Variants in WDR7 observed in about 807,000 individuals in gnomAD.
WDR7 encodes the protein WD repeat-containing protein 7.
Under a neutral mutation model 169.4 loss-of-function variants are expected in WDR7, and 46 were observed. The observed-to-expected ratio is 0.27, with a 90% confidence interval of 0.21 to 0.35. The LOEUF is 0.35. Among genes scored for constraint, WDR7 ranks in the 10% least tolerant of loss-of-function variants. The pLI, the probability that WDR7 is intolerant of heterozygous loss-of-function variation, is 1.00. For missense variants in WDR7, 1,534 were observed against 1,859.3 expected (o/e 0.83, Z 3.22); for synonymous variants, 612 against 666.8 (o/e 0.92, Z 1.27).
intron 19 of WDR7, among the ~76,000 whole-genome samples, chr18:56,813,578 C>A (rs376858659): frequency 6.0e-5 from 9 of 150,604 alleles, no homozygotes; most frequent in Admixed American, 5.9e-4. Flanking sequence ...CTTAATTGAT[C>A]CATTTTGGCC....
intron 22 of WDR7, among the ~76,000 whole-genome samples, chr18:56,929,577 A>G (rs1323701346): frequency 6.6e-6 from 1 of 152,202 alleles, no homozygotes; most frequent in Non-Finnish European, 1.5e-5. Flanking sequence ...GTGGTACTCT[A>G]AGAGCCAAGA....
intron 20 of WDR7, among the ~76,000 whole-genome samples, chr18:56,849,233 T>A (rs1599098359): frequency 6.6e-6 from 1 of 152,142 alleles, no homozygotes; most frequent in East Asian, 1.9e-4. Flanking sequence ...GGATCACTAG[T>A]GACCTAGAGT....
chr18:56,732,029 A>G (rs529587704), intron 14 of WDR7, among the ~76,000 whole-genome samples: 4 of 152,358 alleles, frequency 2.6e-5, no homozygotes, highest in African/African-American at 7.2e-5. Context: ...AGGTTAAGCG[A>G]TTGTAAAGAT....
intron 24 of WDR7, 56 bp from the exon 25 acceptor site, chr18:56,939,255 A>T: frequency 7.5e-7 from 1 of 1,339,486 alleles, no homozygotes; most frequent in Non-Finnish European, 1.0e-6. Flanking sequence ...AATCATTTAC[A>T]TTTTGGAAAA....
At chr18:56,778,079 A>G (rs1055790146) in intron 17 of WDR7, among the ~76,000 whole-genome samples, 1 of 152,300 alleles carries the variant, frequency 6.6e-6, no homozygotes, top group Admixed American at 6.5e-5. Flanking sequence ...GTATATCTAA[A>G]GTATATCTCC....
chr18:56,879,753 T>G (rs571796182), intron 20 of WDR7, among the ~76,000 whole-genome samples, 191 bp from the exon 21 acceptor site: 52 of 151,192 alleles, frequency 3.4e-4, no homozygotes, highest in African/African-American at 9.2e-4. Context: ...AATTTTCAGG[T>G]TTTTTTTTGG....
chr18:56,685,958 G>T lies in WDR7; in HGVS notation c.523G>T (p.Asp175Tyr), dbSNP rs1227821743. ...TTTTTTGTCCCTTCTCATTTTAGAGGACACAGTGGTAGCACTCTCGGTGAC... is the reference window on the plus strand; with the variant it reads ...TTTTTTGTCCCTTCTCATTTTAGAGTACACAGTGGTAGCACTCTCGGTGAC... The part of the protein sequence containing the change: ...SIIRSHRTQE[D>Y]TVVALSVTGI... The change falls in exon 6 of 28, where the codon GAC becomes TAC. Residue 175 changes from aspartate (D) to tyrosine (Y), a missense_variant and splice_region_variant. Transcript: ENST00000254442. The T allele has an allele frequency of 6.2e-7, 1 of 1,600,276 alleles. No homozygotes were observed. The highest frequency in any genetic ancestry group is 8.5e-7 in the Non-Finnish European group (1 of 1,175,556).
rs566857049 is a variant in WDR7, at chr18:56,794,304, A to ATTTTTTTTTTTTTTTTTTTTTTTT, written c.3190+12671_3190+12672insTTTTTTTTTTTTTTTTTTTTTTTT. On this transcript the variant is annotated intron_variant, in intron 19 of 27. Transcript: ENST00000254442. The stretch of plus-strand genomic sequence containing the variant: ...GTTTGTGTCTTAAAAGGTAAAGTCT[A>ATTTTTTTTTTTTTTTTTTTTTTTT]TTTTTTTTTTTTTTTTTTTTTTTGA... Among the ~76,000 whole-genome samples, 48 of 49,462 alleles carry ATTTTTTTTTTTTTTTTTTTTTTTT rather than the reference A, an allele frequency of 9.7e-4. 17 individuals carry two copies. Among genetic ancestry groups the ATTTTTTTTTTTTTTTTTTTTTTTT allele is most frequent in the Non-Finnish European group, 1.4e-3 (37 of 26,186 alleles). 32.4% of individuals were successfully genotyped at this position (49,462 alleles called of 152,430 possible).
intron 20 of WDR7, among the ~76,000 whole-genome samples, chr18:56,849,005 C>G (rs2045604658): frequency 6.6e-6 from 1 of 152,212 alleles, no homozygotes; most frequent in Non-Finnish European, 1.5e-5. Flanking sequence ...TTCCCTCTTA[C>G]AGTTTCCAAG....
chr18:56,672,342 G>T (rs1053103009), intron 1 of WDR7, among the ~76,000 whole-genome samples, 155 bp from the exon 2 acceptor site: 2 of 151,610 alleles, frequency 1.3e-5, no homozygotes, highest in Non-Finnish European at 2.9e-5. Flanking sequence ...TAATAAACTA[G>T]TCGTTTTTTT....
chr18:56,977,686 C>T (rs1313068979), intron 26 of WDR7, among the ~76,000 whole-genome samples: 1 of 152,118 alleles, frequency 6.6e-6, no homozygotes, highest in African/African-American at 2.4e-5. Context: ...GTATTAAAAA[C>T]GTAGTTTACT....
At chr18:56,836,360 G>A (rs142054929) in intron 20 of WDR7, among the ~76,000 whole-genome samples, 155 of 152,320 alleles carry the variant, frequency 1.0e-3, no homozygotes, top group Non-Finnish European at 2.0e-3. Context: ...GGCCTCACCA[G>A]TCAGCCCCTG....
At chr18:56,680,722 C>T (rs2025335892) in intron 3 of WDR7, among the ~76,000 whole-genome samples, 1 of 152,116 alleles carries the variant, frequency 6.6e-6, no homozygotes, top group African/African-American at 2.4e-5. Flanking sequence ...AATAAAATTA[C>T]AATACATACA....
intron 20 of WDR7, among the ~76,000 whole-genome samples, chr18:56,835,982 T>C (rs1039362274): frequency 6.6e-5 from 10 of 152,326 alleles, no homozygotes; most frequent in African/African-American, 2.4e-4. Flanking sequence ...TTTCTAAGAA[T>C]AATTTTCTTT....
chr18:56,878,817 G>A (rs1462049023), intron 20 of WDR7, among the ~76,000 whole-genome samples: 3 of 152,122 alleles, frequency 2.0e-5, no homozygotes, highest in Non-Finnish European at 4.4e-5. Context: ...TACAATATAT[G>A]GTCTTTTGTG....
chr18:56,898,247 A>G (rs150074090), intron 21 of WDR7, among the ~76,000 whole-genome samples: 298 of 152,180 alleles, frequency 2.0e-3, no homozygotes, highest in African/African-American at 6.8e-3. Flanking sequence ...CCATGAAGCC[A>G]TACTATTAGA....
At chr18:56,810,615 C>T (rs911826831) in intron 19 of WDR7, among the ~76,000 whole-genome samples, 4 of 151,764 alleles carry the variant, frequency 2.6e-5, no homozygotes, top group South Asian at 2.1e-4. Flanking sequence ...ATATTTGTGG[C>T]GAATTTTGCT....
chr18:56,660,244 A>T (rs1568122465), intron 1 of WDR7, among the ~76,000 whole-genome samples: 1 of 152,210 alleles, frequency 6.6e-6, no homozygotes, highest in Non-Finnish European at 1.5e-5. Flanking sequence ...TGAGAAACTT[A>T]TTAGCTATCC....
At chr18:56,930,464 C>T (rs1296751604) in intron 22 of WDR7, among the ~76,000 whole-genome samples, 2 of 150,030 alleles carry the variant, frequency 1.3e-5, no homozygotes, top group Admixed American at 1.3e-4. Context: ...ATAAATAAAT[C>T]CTATTAGCAT....
Sources: allele counts gnomAD v4.1 joint callset (sites outside exome capture counted in the v4.1 genomes callset), GRCh38; gene constraint gnomAD v4.1.1; transcripts MANE v1.5; gene names NCBI Gene and HGNC (gene_info 2026-07-23, HGNC 2026-07-21).